Variants in UBE2H observed in about 807,000 individuals in gnomAD.
The protein encoded by UBE2H is ubiquitin conjugating enzyme E2 H.
Under a neutral mutation model 29.0 loss-of-function variants are expected in UBE2H, and 3 were observed. The observed-to-expected ratio is 0.10, with a 90% CI of 0.05 to 0.27. The LOEUF (loss-of-function observed/expected upper bound fraction) is 0.27. UBE2H is among the 10% of genes least tolerant of loss of function. UBE2H has a pLI of 1.00. For missense variants in UBE2H, 68 were observed against 228.2 expected (o/e 0.30, Z 4.52); for synonymous variants, 69 against 82.9 (o/e 0.83, Z 0.91).
chr7:129,890,261 GTATATATACACACGTA>G lies in UBE2H; in HGVS notation c.54-9306_54-9291del, dbSNP rs1347720644. Among the ~76,000 whole-genome samples the G allele has an allele frequency of 6.1e-4, 91 of 148,622 alleles. 1 individual carries two copies. In the South Asian group the frequency reaches 0.013, roughly 20 times the overall value. The stretch of plus-strand genomic sequence containing the variant: ...TATATACACACGTATACATACACAC[GTATATATACACACGTA>G]TATATATACACGTGTATATGTATAC... On this transcript the variant is annotated intron_variant, in intron 1 of 6. Coordinates refer to ENST00000355621, the MANE Select transcript of UBE2H (RefSeq NM_003344.4).
At chr7:129,856,404 G>A (rs1413146219) in intron 5 of UBE2H, among the ~76,000 whole-genome samples, 1 of 152,010 alleles carries the variant, frequency 6.6e-6, no homozygotes, top group Non-Finnish European at 1.5e-5. Flanking sequence ...AGAGTCCTGG[G>A]CCTTACAGAT....
chr7:129,844,850 T>C (rs2116281373), intron 5 of UBE2H, among the ~76,000 whole-genome samples: 1 of 152,318 alleles, frequency 6.6e-6, no homozygotes, highest in South Asian at 2.1e-4. Context: ...AAAAACAGGC[T>C]GGGCACAGTG....
rs923206101 is a variant in UBE2H at position 129,830,933 on chromosome 7, G to C, written c.*4004C>G. ...AAAAAGCTTCAGATTTCAGTTAGGG[G>C]CTGGCAGTCCCTTTTATCTTTTCAA... is the stretch of plus-strand genomic sequence containing the variant. On this transcript the variant is annotated 3_prime_UTR_variant, in exon 7 of 7. Transcript: ENST00000355621. 5 of 151,118 alleles carry C rather than the reference G, an allele frequency of 3.3e-5. No individual in the cohort carries two copies. The highest frequency in any genetic ancestry group is 2.0e-4 in the Admixed American group (3 of 15,116). The allele number at this position is 151,118 out of a possible 1,614,324, so 9.4% of individuals were successfully genotyped here.
chr7:129,854,291 C>T (rs1350151233), intron 5 of UBE2H, among the ~76,000 whole-genome samples: 1 of 152,122 alleles, frequency 6.6e-6, no homozygotes, highest in African/African-American at 2.4e-5. Context: ...ACATATTCTA[C>T]CAGTACTTTA....
At chr7:129,895,690 G>C (rs1347345455) in intron 1 of UBE2H, among the ~76,000 whole-genome samples, 2 of 152,072 alleles carry the variant, frequency 1.3e-5, no homozygotes, top group Admixed American at 1.3e-4. Flanking sequence ...CACGAGGTCA[G>C]GAGATCGAGA....
chr7:129,856,346 C>CTA (rs1445298976), intron 5 of UBE2H, among the ~76,000 whole-genome samples: 1 of 152,170 alleles, frequency 6.6e-6, no homozygotes, highest in East Asian at 1.9e-4. Flanking sequence ...CAATGGTTAC[C>CTA]TGTACCATTC....
chr7:129,867,249 C>T (rs1276404887), intron 3 of UBE2H, among the ~76,000 whole-genome samples: 3 of 151,976 alleles, frequency 2.0e-5, no homozygotes, highest in African/African-American at 4.8e-5. Context: ...CACATGCACA[C>T]GTATGTTTAT....
At chr7:129,944,760 G>A (rs1017205425) in intron 1 of UBE2H, among the ~76,000 whole-genome samples, 54 of 138,588 alleles carry the variant, frequency 3.9e-4, no homozygotes, top group South Asian at 2.3e-3. Flanking sequence ...ACGCACGCAC[G>A]CACGCGCATG....
intron 1 of UBE2H, 35 bp downstream of exon 1, chr7:129,952,468 C>G (rs181298311): frequency 1.2e-6 from 2 of 1,607,988 alleles, no homozygotes; most frequent in South Asian, 1.1e-5. Context: ...CACCGCCCCC[C>G]ACACACAGCC....
In UBE2H at chr7:129,857,281, A is replaced by G. The variant is rs1268770020; in HGVS notation, c.298+230T>C. ...CTCATGTGTGTGCACATGTATCACT[A>G]TACCTTAAGTTTGGAATCTCAAAAA... On this transcript the variant is annotated intron_variant, in intron 5 of 6. Transcript: ENST00000355621. The G allele has an allele frequency of 7.2e-6, 4 of 554,624 alleles. No homozygotes were observed. In the East Asian group the frequency reaches 8.9e-5, roughly 12 times the overall value. 34.4% of individuals were successfully genotyped at this position (554,624 alleles called of 1,614,324 possible).
At chr7:129,842,000 G>A (rs962798993) in intron 5 of UBE2H, among the ~76,000 whole-genome samples, 6 of 152,204 alleles carry the variant, frequency 3.9e-5, no homozygotes, top group African/African-American at 1.2e-4. Context: ...ATGCTGGGTA[G>A]AGAAAGGCCA....
At chr7:129,890,864 G>A (rs571400946) in intron 1 of UBE2H, among the ~76,000 whole-genome samples, 2 of 152,214 alleles carry the variant, frequency 1.3e-5, no homozygotes, top group Admixed American at 1.3e-4. Flanking sequence ...GCTGGGCATG[G>A]TGGCTCACGC....
intron 1 of UBE2H, among the ~76,000 whole-genome samples, chr7:129,906,142 A>C (rs1272229724): frequency 6.6e-6 from 1 of 152,160 alleles, no homozygotes; most frequent in Non-Finnish European, 1.5e-5. Context: ...ATCACTCAAG[A>C]ATAGGGTACT....
At chr7:129,900,144 T>A (rs1056504191) in intron 1 of UBE2H, among the ~76,000 whole-genome samples, 22 of 150,912 alleles carry the variant, frequency 1.5e-4, no homozygotes, top group African/African-American at 5.1e-4. Context: ...AAAAAAAAAA[T>A]TAAAATAATA....
chr7:129,938,015 A>G (rs543986863), intron 1 of UBE2H, among the ~76,000 whole-genome samples: 6 of 152,262 alleles, frequency 3.9e-5, no homozygotes, highest in South Asian at 2.1e-4. Flanking sequence ...TTAATATCTA[A>G]TATCAGCCAC....
At chr7:129,848,915 T>C (rs1298787124) in intron 5 of UBE2H, among the ~76,000 whole-genome samples, 2 of 151,398 alleles carry the variant, frequency 1.3e-5, no homozygotes, top group Non-Finnish European at 2.9e-5. Context: ...ACTTAATAAT[T>C]TGGAGTTAAC....
At chr7:129,864,982 C>A in intron 3 of UBE2H, 1 of 390,676 alleles carries the variant, frequency 2.6e-6, no homozygotes, top group South Asian at 1.9e-5. Flanking sequence ...GAGGATCGTA[C>A]AACAGGAATA....
At chr7:129,901,614 T>G (rs1488332402) in intron 1 of UBE2H, among the ~76,000 whole-genome samples, 2 of 152,108 alleles carry the variant, frequency 1.3e-5, no homozygotes, top group South Asian at 2.1e-4. Context: ...TGATGACACT[T>G]TCTTTTTTTG....
intron 5 of UBE2H, among the ~76,000 whole-genome samples, chr7:129,844,957 T>G (rs1391430986): frequency 6.6e-6 from 1 of 152,162 alleles, no homozygotes; most frequent in African/African-American, 2.4e-5. Flanking sequence ...GGCAAAACCC[T>G]GTCTCTACTA....
Sources: gnomAD v4.1 joint callset for allele counts (sites outside exome capture counted in the v4.1 genomes callset) on GRCh38, gnomAD v4.1.1 for gene constraint, MANE v1.5 for transcripts, NCBI Gene and HGNC (gene_info 2026-07-23, HGNC 2026-07-21) for gene names.